The following PHF8 variants were observed in gnomAD, a reference collection of about 807,000 sequenced individuals.
The protein encoded by PHF8 is PHD finger protein 8.
PHF8 carries 9 observed loss-of-function variants against 74.4 expected under a neutral mutation model. That is an observed-to-expected ratio of 0.12 (90% confidence interval 0.07 to 0.21). The LOEUF (loss-of-function observed/expected upper bound fraction) is 0.21. Ranked by LOEUF, PHF8 falls within the 10% of genes least tolerant of loss-of-function variation. PHF8 has a pLI of 1.00. For missense variants in PHF8, 478 were observed against 816.6 expected (o/e 0.59, Z 5.05); for synonymous variants, 311 against 316.6 (o/e 0.98, Z 0.19).
intron 2 of PHF8, among the ~76,000 whole-genome samples, chrX:54,035,063 A>T: frequency 9.0e-6 from 1 of 111,088 alleles, no homozygotes. Context: ...GCATATAAAG[A>T]AAAGTAAAGT....
At chrX:53,955,410 A>C (rs890742414) in intron 19 of PHF8, among the ~76,000 whole-genome samples, 2 of 109,961 alleles carry the variant, frequency 1.8e-5, no homozygotes, top group African/African-American at 6.6e-5. Flanking sequence ...CGATTATACA[A>C]TTATATCTTA....
chrX:53,999,001 G>T (rs1470712358), intron 11 of PHF8, among the ~76,000 whole-genome samples: 1 of 111,985 alleles, frequency 8.9e-6, no homozygotes, highest in Non-Finnish European at 1.9e-5. Context: ...AAGTAGTTAG[G>T]CAAGGATGGT....
chrX:53,985,040 G>A lies in PHF8; in HGVS notation c.2317C>T (p.Arg773Cys), dbSNP rs782160964. The A allele has an allele frequency of 9.9e-6, 12 of 1,207,973 alleles. No individual in the cohort carries two copies. The African/African-American group carries it at 1.4e-4, about 14-fold the overall frequency. Residue 773 changes from arginine (R) to cysteine (C), a missense_variant, in exon 18 of 22, where the codon CGC (arginine) becomes TGC (cysteine). Transcript: ENST00000338154. ...GTVSNSPASQRTPGKRPIKRP... is the reference protein window; with the variant it reads ...GTVSNSPASQCTPGKRPIKRP... ...TTGATGGGCCGCTTCCCTGGGGTGC[G>A]CTGGGAAGCAGGACTGTTAGACACT...
Position 54,042,736 on chromosome X carries a change from C to A in PHF8, c.-8G>T. On this transcript the variant is annotated 5_prime_UTR_variant, in exon 2 of 22. Transcript: ENST00000338154. ...CACCGGCACCGAGGCCATCTTCGCT[C>A]GGCCCTGGAGCGTTCTGCGGCCGGC... The A allele has an allele frequency of 1.7e-6, 2 of 1,206,124 alleles. No homozygotes were observed. Among genetic ancestry groups the A allele is most frequent in the East Asian group, 3.0e-5 (1 of 33,642 alleles).
chrX:54,031,571 A>C (rs781839097), intron 2 of PHF8, among the ~76,000 whole-genome samples: 3 of 105,691 alleles, frequency 2.8e-5, no homozygotes, highest in East Asian at 3.0e-4. Context: ...ACACAGACAG[A>C]CTGTTCTATC....
At chrX:53,958,775 C>CAAAAA (rs1203323417) in intron 19 of PHF8, among the ~76,000 whole-genome samples, 2 of 13,167 alleles carry the variant, frequency 1.5e-4, no homozygotes, top group East Asian at 3.1e-3. Context: ...GACTCCCTCT[C>CAAAAA]AAAAAAAAAA....
At chrX:53,962,536 G>A (rs1206836068) in intron 19 of PHF8, among the ~76,000 whole-genome samples, 1 of 111,379 alleles carries the variant, frequency 9.0e-6, no homozygotes, top group African/African-American at 3.3e-5. Context: ...AACGTTCTCA[G>A]AAGCCTCAGA....
intron 10 of PHF8, 140 bp from the exon 11 acceptor site, chrX:54,000,101 C>A: frequency 2.0e-6 from 1 of 508,792 alleles, no homozygotes; most frequent in Non-Finnish European, 3.6e-6. Context: ...TGATAGTGTT[C>A]ATTCACTGAG....
intron 2 of PHF8, among the ~76,000 whole-genome samples, chrX:54,027,984 C>CCACACACA (rs782177087): frequency 0.056 from 5,352 of 96,428 alleles, 133 homozygotes; most frequent in Middle Eastern, 0.093. Flanking sequence ...ACTATACACA[C>CCACACACA]CACACACACA....
chrX:54,045,203 C>A, upstream of PHF8: 1 of 251,046 alleles, frequency 4.0e-6, no homozygotes, highest in Non-Finnish European at 7.1e-6. Context: ...CCACAATTTT[C>A]TGACTATAGC....
At chrX:53,998,223 G>A (rs2065776664) in intron 11 of PHF8, among the ~76,000 whole-genome samples, 1 of 111,463 alleles carries the variant, frequency 9.0e-6, no homozygotes, top group Non-Finnish European at 1.9e-5. Context: ...GGAGGCTGAG[G>A]TGGATGGATC....
At chrX:53,986,951 T>C (rs2065575903) in intron 16 of PHF8, 127 bp downstream of exon 16, 1 of 481,922 alleles carries the variant, frequency 2.1e-6, no homozygotes, top group African/African-American at 2.4e-5. Flanking sequence ...TAATAATAAA[T>C]AAATTATTCA....
chrX:53,999,503 T>C (rs2065797863), intron 11 of PHF8: 1 of 169,333 alleles, frequency 5.9e-6, no homozygotes, highest in Admixed American at 7.5e-5. Context: ...ACCTCCACAT[T>C]GTTCAAGGGT....
At chrX:54,044,885 G>A, upstream of PHF8, 1 of 1,156,497 alleles carries the variant, frequency 8.6e-7, no homozygotes, top group Non-Finnish European at 1.2e-6. Context: ...CGCGGCTCCT[G>A]TTCATTGAGC....
chrX:53,993,637 A>G lies in PHF8; in HGVS notation c.1590T>C (p.His530=), dbSNP rs782579838. Residue 530 remains histidine, a synonymous_variant, in exon 13 of 22, where the codon CAT becomes CAC. Coordinates refer to ENST00000338154, the MANE Select transcript of PHF8 (RefSeq NM_015107.3). ...LSYNLMDTYS[H]QALKTGSFQK... is the part of the protein sequence containing the mutation. ...GGAAAGAGCCTGTCTTCAGTGCCTGATGACTGTATGTGTCCATGAGATTAT... is the reference window on the plus strand; with the variant it reads ...GGAAAGAGCCTGTCTTCAGTGCCTGGTGACTGTATGTGTCCATGAGATTAT... The G allele has an allele frequency of 2.5e-6, 3 of 1,211,371 alleles. No homozygotes were observed. The highest frequency in any genetic ancestry group is 1.8e-5 in the South Asian group (1 of 57,006).
At chrX:53,987,226 A>G (rs1291075322) in intron 15 of PHF8, 63 bp from the exon 16 acceptor site, 2 of 727,798 alleles carry the variant, frequency 2.7e-6, no homozygotes, top group Non-Finnish European at 4.3e-6. Flanking sequence ...AAATACCCAG[A>G]AGAAAAAAAT....
chrX:54,016,100 TGGA>T (rs782386069), intron 6 of PHF8, among the ~76,000 whole-genome samples: 2 of 111,181 alleles, frequency 1.8e-5, no homozygotes, highest in South Asian at 7.6e-4. Flanking sequence ...CTAGAAACTG[TGGA>T]GGAGAAATAT....
intron 14 of PHF8, among the ~76,000 whole-genome samples, chrX:53,988,585 C>T (rs1426144827): frequency 2.8e-5 from 3 of 107,533 alleles, no homozygotes; most frequent in East Asian, 2.9e-4. Flanking sequence ...ATTTGGAAAT[C>T]GTTTATCTGG....
At chrX:53,965,060 A>G (rs1411632944) in intron 18 of PHF8, among the ~76,000 whole-genome samples, 2 of 111,108 alleles carry the variant, frequency 1.8e-5, no homozygotes, top group Admixed American at 1.9e-4. Context: ...AAGATGGTAA[A>G]TTTGTCAAGT....
Sources: allele counts gnomAD v4.1 joint callset (sites outside exome capture counted in the v4.1 genomes callset), GRCh38; gene constraint gnomAD v4.1.1; transcripts MANE v1.5; gene names NCBI Gene and HGNC (gene_info 2026-07-23, HGNC 2026-07-21).